WDR37: variants seen among roughly 807,000 people sequenced by gnomAD.
WDR37 encodes WD repeat domain 37.
A neutral mutation model predicts 62.9 loss-of-function variants in WDR37; 19 were observed. The observed-to-expected ratio is 0.30, with a 90% confidence interval of 0.21 to 0.44. The LOEUF is 0.44. Among genes scored for constraint, WDR37 ranks in the 20% least tolerant of loss-of-function variants. WDR37 has a pLI of 1.00. For missense variants in WDR37, 474 were observed against 657.6 expected, an observed-to-expected ratio of 0.72 and a Z score of 3.05; for synonymous variants, 250 against 260.9, an observed-to-expected ratio of 0.96 and a Z score of 0.40.
rs1295241794 is a variant in WDR37 at position 1,130,232 on chromosome 10, GTGTT to G, written c.*891_*894del. ...TCCGAATGGGCTCACTCCCGTGGTGGTGTTTGAGAGCCAACAACACTACCTCAGA... is the reference window on the plus strand; with the variant it reads ...TCCGAATGGGCTCACTCCCGTGGTGGTGAGAGCCAACAACACTACCTCAGA... On this transcript the variant is annotated 3_prime_UTR_variant, in exon 14 of 14. Transcript: ENST00000263150. 1 of 152,676 alleles carries G rather than the reference GTGTT, an allele frequency of 6.5e-6. No individual in the cohort carries two copies. Among genetic ancestry groups the G allele is most frequent in the African/African-American group, 2.4e-5 (1 of 41,456 alleles). 9.5% of individuals were successfully genotyped at this position (152,676 alleles called of 1,614,324 possible).
chr10:1,129,164 T>G, intron 13 of WDR37, 49 bp from the exon 14 acceptor site: 1 of 1,601,280 alleles, frequency 6.2e-7, no homozygotes, highest in Non-Finnish European at 8.5e-7. Flanking sequence ...TCTTATAATC[T>G]TACTTTCGGG....
At chr10:1,126,249 C>T (rs552272166) in intron 13 of WDR37, among the ~76,000 whole-genome samples, 1 of 151,856 alleles carries the variant, frequency 6.6e-6, no homozygotes, top group African/African-American at 2.4e-5. Flanking sequence ...AATAAAAATA[C>T]AAAAAAATCA....
intron 11 of WDR37, among the ~76,000 whole-genome samples, chr10:1,114,166 A>T (rs12250141): frequency 0.06 from 9,195 of 152,104 alleles, 313 homozygotes; most frequent in Non-Finnish European, 0.069. Flanking sequence ...CACATCGGCC[A>T]AGCTGGTCTC....
At chr10:1,071,762 G>T (rs1253039973) in intron 1 of WDR37, among the ~76,000 whole-genome samples, 3 of 152,208 alleles carry the variant, frequency 2.0e-5, no homozygotes, top group African/African-American at 7.2e-5. Context: ...GACAGCATGA[G>T]TCTAGAATGT....
At chr10:1,086,656 T>G (rs951760424) in intron 7 of WDR37, among the ~76,000 whole-genome samples, 1 of 152,240 alleles carries the variant, frequency 6.6e-6, no homozygotes, top group African/African-American at 2.4e-5. Flanking sequence ...GTGCGTTATT[T>G]TTCACAAAAT....
At chr10:1,076,696 T>C (rs972501424) in intron 2 of WDR37, among the ~76,000 whole-genome samples, 7 of 131,756 alleles carry the variant, frequency 5.3e-5, no homozygotes, top group Admixed American at 8.0e-5. Context: ...AAAAAAAAAG[T>C]TTACGACTCA....
chr10:1,116,226 C>T (rs1178326856), intron 11 of WDR37, among the ~76,000 whole-genome samples: 1 of 151,868 alleles, frequency 6.6e-6, no homozygotes, highest in Non-Finnish European at 1.5e-5. Context: ...CATCAGTCCT[C>T]CCGTCATCCC....
chr10:1,063,625 C>T (rs1280330517), intron 1 of WDR37, among the ~76,000 whole-genome samples: 2 of 152,180 alleles, frequency 1.3e-5, no homozygotes, highest in Non-Finnish European at 2.9e-5. Context: ...AGCCTCCTTT[C>T]TGCTAGGGTA....
At chr10:1,117,145 C>A (rs997452937) in intron 11 of WDR37, among the ~76,000 whole-genome samples, 18 of 152,280 alleles carry the variant, frequency 1.2e-4, no homozygotes, top group African/African-American at 4.3e-4. Context: ...ATCTCGACTT[C>A]CTGGGCTCAA....
chr10:1,092,872 CAAAAAAAAAAAA>C (rs56220560), intron 7 of WDR37, among the ~76,000 whole-genome samples: 3 of 41,970 alleles, frequency 7.1e-5, no homozygotes, highest in African/African-American at 1.7e-4. Flanking sequence ...CCCTATCTCA[CAAAAAAAAAAAA>C]AAAAAAAAAA....
At chr10:1,063,231 C>T (rs1442280112) in intron 1 of WDR37, among the ~76,000 whole-genome samples, 3 of 152,018 alleles carry the variant, frequency 2.0e-5, no homozygotes, top group South Asian at 2.1e-4. Flanking sequence ...AAGCTAGCAG[C>T]GCAGGTATAA....
At chr10:1,124,773 G>GACC in intron 12 of WDR37, 137 bp from the exon 13 acceptor site, 1 of 1,149,246 alleles carries the variant, frequency 8.7e-7, no homozygotes, top group Non-Finnish European at 1.2e-6. Flanking sequence ...ACCGTAAGCA[G>GACC]GTGGTACACG....
chr10:1,125,992 G>A (rs1463479378), intron 13 of WDR37, among the ~76,000 whole-genome samples: 1 of 152,148 alleles, frequency 6.6e-6, no homozygotes, highest in African/African-American at 2.4e-5. Context: ...GGGGGCCCGT[G>A]TTCAGATTCC....
chr10:1,069,837 A>G (rs1332435265), intron 1 of WDR37, among the ~76,000 whole-genome samples: 1 of 152,208 alleles, frequency 6.6e-6, no homozygotes, highest in East Asian at 1.9e-4. Context: ...ATTGTACTGT[A>G]ATGATGTAAG....
intron 2 of WDR37, among the ~76,000 whole-genome samples, chr10:1,072,909 C>G (rs771901104): frequency 5.9e-5 from 9 of 152,168 alleles, no homozygotes; most frequent in Non-Finnish European, 8.8e-5. Context: ...CTGTCTCTAA[C>G]AGTCTCAAGA....
chr10:1,057,994 A>G (rs1833249256), intron 1 of WDR37, among the ~76,000 whole-genome samples: 2 of 151,550 alleles, frequency 1.3e-5, no homozygotes, highest in South Asian at 2.1e-4. Context: ...CCCAGCAGAC[A>G]CACACACTGT....
At chr10:1,070,207 C>CAAAAA (rs35167375) in intron 1 of WDR37, among the ~76,000 whole-genome samples, 1 of 93,898 alleles carries the variant, frequency 1.1e-5, no homozygotes, top group Non-Finnish European at 2.2e-5. Flanking sequence ...GACTCTGTCT[C>CAAAAA]AAAAAAAAAA....
chr10:1,103,841 C>T lies in WDR37; in HGVS notation c.961+5C>T. 6.2e-7 allele frequency: 1 copy of T among 1,613,140 alleles called. No homozygotes were observed. The highest frequency in any genetic ancestry group is 1.7e-5 in the Admixed American group (1 of 60,004). On this transcript the variant is annotated splice_donor_5th_base_variant and intron_variant, in intron 10 of 13. Coordinates refer to ENST00000263150, the MANE Select transcript of WDR37 (RefSeq NM_014023.4). The surrounding 1 kb of genome is among the most constrained non-coding windows in gnomAD (Gnocchi z 6.3). ...AGCTCGTTCACTCTCTGACAGGTGC[C>T]TGGGTTCTCTGAGTCCGCCGCCTCC...
chr10:1,068,461 A>T (rs1833622587), intron 1 of WDR37, among the ~76,000 whole-genome samples: 1 of 152,106 alleles, frequency 6.6e-6, no homozygotes, highest in African/African-American at 2.4e-5. Flanking sequence ...TCTCAAAAAA[A>T]CAAAAAAACA....
Sources: gnomAD v4.1 joint callset for allele counts (sites outside exome capture counted in the v4.1 genomes callset) on GRCh38, gnomAD v4.1.1 for gene constraint, Gnocchi (gnomAD v3.1) non-coding constraint, MANE v1.5 for transcripts, NCBI Gene and HGNC (gene_info 2026-07-23, HGNC 2026-07-21) for gene names.